The following ZNF526 variants were observed in gnomAD, a reference collection of about 807,000 sequenced individuals.
The protein encoded by ZNF526 is zinc finger protein 526.
ZNF526 carries 16 observed loss-of-function variants against 32.4 expected under a neutral mutation model. The observed-to-expected ratio is 0.49, with a 90% CI of 0.33 to 0.75. The LOEUF (loss-of-function observed/expected upper bound fraction) is 0.75. Ranked by LOEUF, ZNF526 falls within the 30% of genes least tolerant of loss-of-function variation. The pLI is 0.02. For synonymous variants in ZNF526, 355 were observed against 363.4 expected (o/e 0.98, Z 0.26); for missense variants, 838 against 920.7 (o/e 0.91, Z 1.16).
In ZNF526 at chr19:42,224,482, T is replaced by G; in HGVS notation, c.79T>G (p.Ser27Ala). ...PGAVEMSTPM[S>A]AEMMEMSTEV... ...GGCAGTGGAGATGTCAACACCTATGTCGGCAGAGATGATGGAGATGTCAAC... is the reference window on the plus strand; with the variant it reads ...GGCAGTGGAGATGTCAACACCTATGGCGGCAGAGATGATGGAGATGTCAAC... Residue 27 changes from serine (S) to alanine (A), a missense_variant, in exon 3 of 3, where the codon TCG (serine) becomes GCG (alanine). By Grantham distance (99) the Ser-to-Ala change is moderately conservative. Coordinates refer to ENST00000301215, the MANE Select transcript of ZNF526 (RefSeq NM_133444.3). 1 of 1,614,152 alleles carries G rather than the reference T, an allele frequency of 6.2e-7. No individual in the cohort carries two copies. The highest frequency in any genetic ancestry group is 8.5e-7 in the Non-Finnish European group (1 of 1,180,020).
In ZNF526 at chr19:42,224,635, C is replaced by T. The variant is rs2036154476; in HGVS notation, c.232C>T (p.Gln78Ter). Residue 78 changes from glutamine to a stop codon, truncating the protein, a stop_gained, in exon 3 of 3, where the codon CAG (glutamine) becomes TAG (stop). Transcript: ENST00000301215. LOFTEE classifies it high-confidence loss of function. ...GGAGGAAGTCCTCTCACACCAGGAGCAGCACATGCTTGCTGTCTCAGAGGA... is the reference window on the plus strand; with the variant it reads ...GGAGGAAGTCCTCTCACACCAGGAGTAGCACATGCTTGCTGTCTCAGAGGA... ...TLEEVLSHQE[Q>*]HMLAVSEEEA... The T allele has an allele frequency of 1.2e-6, 2 of 1,614,114 alleles. No homozygotes were observed. Among genetic ancestry groups the T allele is most frequent in the Non-Finnish European group, 1.7e-6 (2 of 1,180,050 alleles).
At chr19:42,223,618 G>A (rs1295188141) in intron 1 of ZNF526, among the ~76,000 whole-genome samples, 2 of 151,608 alleles carry the variant, frequency 1.3e-5, no homozygotes, top group Non-Finnish European at 2.9e-5. Context: ...TCCAGCCTGG[G>A]CGACAGAGCG....
intron 1 of ZNF526, among the ~76,000 whole-genome samples, chr19:42,222,603 G>T (rs2036134629): frequency 6.6e-6 from 1 of 152,172 alleles, no homozygotes; most frequent in South Asian, 2.1e-4. Context: ...AAGGGAAGAT[G>T]GGGCATATAG....
Position 42,226,545 on chromosome 19 carries a change from T to G in ZNF526, c.*129T>G. 1 of 1,281,138 alleles carries G rather than the reference T, an allele frequency of 7.8e-7. No individual in the cohort carries two copies. The highest frequency in any genetic ancestry group is 1.5e-5 in the African/African-American group (1 of 68,276). The allele number at this position is 1,281,138 out of a possible 1,614,324, so 79.4% of individuals were successfully genotyped here. A position where few individuals can be genotyped will look rare whatever the true frequency, so the allele number is the denominator to read the frequency against. On this transcript the variant is annotated 3_prime_UTR_variant, in exon 3 of 3. Transcript: ENST00000301215. ...GTGCCAGGATCCACCCTGGCCTCTT[T>G]TTACCCACTGACTCCCCAGAACAAC...
chr19:42,222,327 A>G (rs1317763084), intron 1 of ZNF526, among the ~76,000 whole-genome samples: 1 of 151,906 alleles, frequency 6.6e-6, no homozygotes, highest in Non-Finnish European at 1.5e-5. Flanking sequence ...TGACCTTGTG[A>G]TCGCCTGCCT....
chr19:42,225,255 AGC>A lies in ZNF526; in HGVS notation c.853_854del (p.Ala285ArgfsTer48). 6.2e-7 allele frequency: 1 copy of A among 1,613,858 alleles called. No homozygotes were observed. Among genetic ancestry groups the A allele is most frequent in the Non-Finnish European group, 8.5e-7 (1 of 1,179,820 alleles). On this transcript the variant is annotated frameshift_variant, in exon 3 of 3. Transcript: ENST00000301215. LOFTEE classifies it high-confidence loss of function. ...CGDCPQHQPSAGARRQHRRTA... is the reference protein window; with the variant it reads ...CGDCPQHQPSXGARRQHRRTA... ...GGGACTGTCCCCAGCACCAGCCCTC[AGC>A]AGGGGCTCGCCGGCAACACCGGCGG...
At position 42,225,448 on chromosome 19, in the gene ZNF526, C is replaced by A. The variant is rs778150229; in HGVS notation, c.1045C>A (p.Gln349Lys). The change falls in exon 3 of 3, where the codon CAG becomes AAG. Residue 349 changes from glutamine to lysine, a missense_variant. Gln to Lys is a moderately conservative substitution (Grantham distance 53). Coordinates refer to ENST00000301215, the MANE Select transcript of ZNF526 (RefSeq NM_133444.3). ...KVFKKAASLEQHLRLHRGEAR... is the reference protein window; with the variant it reads ...KVFKKAASLEKHLRLHRGEAR... ...CTTCAAGAAAGCAGCATCGCTTGAGCAGCACTTGCGGCTGCATCGCGGGGA... is the reference window on the plus strand; with the variant it reads ...CTTCAAGAAAGCAGCATCGCTTGAGAAGCACTTGCGGCTGCATCGCGGGGA... 14 of 1,614,068 alleles carry A rather than the reference C, an allele frequency of 8.7e-6. No homozygotes were observed. In the South Asian group the frequency reaches 1.5e-4, roughly 18 times the overall value.
chr19:42,225,738 A>G lies in ZNF526; in HGVS notation c.1335A>G (p.Pro445=). 3.9e-6 allele frequency: 5 copies of G among 1,273,706 alleles called. No homozygotes were observed. The highest frequency in any genetic ancestry group is 2.3e-5 in the South Asian group (2 of 85,452). The allele number at this position is 1,273,706 out of a possible 1,614,324, so 78.9% of individuals were successfully genotyped here. A position where few individuals can be genotyped will look rare whatever the true frequency, so the allele number is the denominator to read the frequency against. ...PPAPPAQLPC[P]QCSKSFASAS... The stretch of plus-strand genomic sequence containing the variant: ...CCCCACCTGCCCAGCTGCCCTGCCC[A>G]CAGTGCTCCAAGTCCTTTGCCTCAG... Residue 445 remains proline, a synonymous_variant, in exon 3 of 3, where the codon CCA becomes CCG. Transcript: ENST00000301215.
rs2036171256 is a variant in ZNF526, at chr19:42,225,731, C to T, written c.1328C>T (p.Pro443Leu). ...CCCCCTGCCCCACCTGCCCAGCTGC[C>T]CTGCCCACAGTGCTCCAAGTCCTTT... ...PPPPAPPAQLPCPQCSKSFAS... is the reference protein window; with the variant it reads ...PPPPAPPAQLLCPQCSKSFAS... The change falls in exon 3 of 3, where the codon CCC becomes CTC. Residue 443 changes from proline (P) to leucine (L), a missense_variant. Pro to Leu is a moderately conservative substitution (Grantham distance 98). Coordinates refer to ENST00000301215, the MANE Select transcript of ZNF526 (RefSeq NM_133444.3). 6.2e-7 allele frequency: 1 copy of T among 1,612,752 alleles called. No individual in the cohort carries two copies.
In ZNF526 at chr19:42,226,675, T is replaced by G. The variant is rs2036184889; in HGVS notation, c.*259T>G. On this transcript the variant is annotated 3_prime_UTR_variant, in exon 3 of 3. Coordinates refer to ENST00000301215, the MANE Select transcript of ZNF526 (RefSeq NM_133444.3). ...CACCCAGCTATGCTGCAAAGTGGGT[T>G]GGCCAAGGCCCTTTGCACTGCATCA... is the stretch of plus-strand genomic sequence containing the variant. 1.7e-6 allele frequency: 1 copy of G among 590,268 alleles called. No homozygotes were observed. The highest frequency in any genetic ancestry group is 1.9e-5 in the African/African-American group (1 of 53,814). The allele number at this position is 590,268 out of a possible 1,614,324, so 36.6% of individuals were successfully genotyped here. A position where few individuals can be genotyped will look rare whatever the true frequency, so the allele number is the denominator to read the frequency against.
intron 1 of ZNF526, among the ~76,000 whole-genome samples, chr19:42,223,231 G>A (rs1281698848): frequency 1.3e-5 from 2 of 152,214 alleles, no homozygotes; most frequent in East Asian, 1.9e-4. Context: ...TGGCTGGGCC[G>A]GGTGTGGTGG....
intron 1 of ZNF526, 76 bp downstream of exon 1, chr19:42,220,463 T>C (rs1463343184): frequency 6.6e-6 from 1 of 151,592 alleles, no homozygotes; most frequent in Non-Finnish European, 1.5e-5. Context: ...AACTAAGGGG[T>C]CTGCAGGGAT....
rs144394848 is a variant in ZNF526, at chr19:42,225,683, C to G, written c.1280C>G (p.Ala427Gly). 1 of 1,612,244 alleles carries G rather than the reference C, an allele frequency of 6.2e-7. No homozygotes were observed. Among genetic ancestry groups the G allele is most frequent in the South Asian group, 1.1e-5 (1 of 91,008 alleles). Reference sequence around the variant, plus strand: ...GGAGCAACAGCTCCCCCAGCTCCAGCGGAGCCCACCCCTCCACCACCACCC... The same window carrying G: ...GGAGCAACAGCTCCCCCAGCTCCAGGGGAGCCCACCCCTCCACCACCACCC... ...PTGATAPPAPAEPTPPPPPPA... is the reference protein window; with the variant it reads ...PTGATAPPAPGEPTPPPPPPA... Residue 427 changes from alanine (A) to glycine (G), a missense_variant, in exon 3 of 3, where the codon GCG (alanine) becomes GGG (glycine). Ala to Gly is a moderately conservative substitution (Grantham distance 60, BLOSUM62 0). Transcript: ENST00000301215.
intron 1 of ZNF526, 23 bp from the exon 2 acceptor site, chr19:42,224,192 T>C (rs555378117): frequency 1.5e-4 from 86 of 560,666 alleles, no homozygotes; most frequent in Non-Finnish European, 1.1e-4. Context: ...GAGGCTGGGC[T>C]GAGTGGTGTT....
chr19:42,224,090 G>A (rs4803529), intron 1 of ZNF526, 125 bp from the exon 2 acceptor site: 78,770 of 349,806 alleles, frequency 0.23, 10,252 homozygotes, highest in Admixed American at 0.28. Flanking sequence ...ACCCAGGAGC[G>A]AGAGGTTGCA....
chr19:42,220,913 G>A (rs926694945), intron 1 of ZNF526, among the ~76,000 whole-genome samples: 4 of 152,156 alleles, frequency 2.6e-5, no homozygotes, highest in Admixed American at 2.0e-4. Flanking sequence ...AAATGGGGCT[G>A]TAATCAAGGA....
At chr19:42,223,064 G>A (rs923917350) in intron 1 of ZNF526, among the ~76,000 whole-genome samples, 3 of 152,210 alleles carry the variant, frequency 2.0e-5, no homozygotes, top group African/African-American at 7.2e-5. Context: ...GGGCAGTCTG[G>A]TTCCAGGGCC....
Position 42,225,697 on chromosome 19 carries a change from C to CCCCCCCCCCCCCCCGCCCCCCCAA in ZNF526, c.1295_1296insCCCCCCCCCCCCCGCCCCCCCAAC (p.Pro439_Ala440insThrProProProProAlaProPro). The CCCCCCCCCCCCCCCGCCCCCCCAA allele has an allele frequency of 1.0e-6, 1 of 989,950 alleles. No homozygotes were observed. The highest frequency in any genetic ancestry group is 1.5e-6 in the Non-Finnish European group (1 of 668,880). The allele number at this position is 989,950 out of a possible 1,614,324, so 61.3% of individuals were successfully genotyped here. On this transcript the variant is annotated inframe_insertion, in exon 3 of 3. Transcript: ENST00000301215. ...CCCAGCTCCAGCGGAGCCCACCCCT[C>CCCCCCCCCCCCCCCGCCCCCCCAA]CACCACCACCCCCTGCCCCACCTGC...
chr19:42,220,463 T>A (rs1463343184), intron 1 of ZNF526, 76 bp downstream of exon 1: 1 of 151,592 alleles, frequency 6.6e-6, no homozygotes, highest in African/African-American at 2.4e-5. Context: ...AACTAAGGGG[T>A]CTGCAGGGAT....
Sources: allele counts gnomAD v4.1 joint callset (sites outside exome capture counted in the v4.1 genomes callset), GRCh38; gene constraint gnomAD v4.1.1; transcripts MANE v1.5; gene names NCBI Gene and HGNC (gene_info 2026-07-23, HGNC 2026-07-21).